Variants in CGGBP1 observed in about 807,000 individuals in gnomAD.
CGGBP1 encodes the protein CGG triplet repeat binding protein 1.
Under a neutral mutation model 11.4 loss-of-function variants are expected in CGGBP1, and 4 were observed. That is an observed-to-expected ratio of 0.35 (90% CI 0.17 to 0.80). CGGBP1 has a LOEUF of 0.80. Among genes scored for constraint, CGGBP1 ranks in the 30% least tolerant of loss-of-function variants. The probability of loss-of-function intolerance (pLI) is 0.52; values close to 1 mark genes in which losing one functional copy is unlikely to be tolerated. For missense variants in CGGBP1, 135 were observed against 202.1 expected (o/e 0.67, Z 2.01); for synonymous variants, 76 against 74.1 (o/e 1.03, Z -0.13).
intron 2 of CGGBP1, chr3:88,139,352 G>C: frequency 6.2e-7 from 1 of 1,611,892 alleles, no homozygotes; most frequent in Non-Finnish European, 8.5e-7. Flanking sequence ...ACATTGTAAG[G>C]CATGCCCAGG....
At chr3:88,143,916 T>G (rs1331157913) in intron 1 of CGGBP1, 1 of 152,062 alleles carries the variant, frequency 6.6e-6, no homozygotes, top group Non-Finnish European at 1.5e-5. Context: ...ATCATTTTGC[T>G]TTTATAGGGT....
intron 2 of CGGBP1, among the ~76,000 whole-genome samples, chr3:88,110,916 T>TC (rs1297117643): frequency 6.6e-6 from 1 of 152,104 alleles, no homozygotes. Context: ...ATGTGGTTTT[T>TC]CTCTTTTTAA....
intron 3 of CGGBP1, 71 bp from the exon 4 acceptor site, chr3:88,056,070 G>C (rs1304871087): frequency 4.2e-6 from 5 of 1,193,714 alleles, no homozygotes. Context: ...AACAATAAAA[G>C]GCAGTATATA....
In CGGBP1 at chr3:88,055,344, T is replaced by A; in HGVS notation, c.*129A>T. 1 of 904,826 alleles carries A rather than the reference T, an allele frequency of 1.1e-6. No individual in the cohort carries two copies. The highest frequency in any genetic ancestry group is 1.6e-6 in the Non-Finnish European group (1 of 623,520). The allele number at this position is 904,826 out of a possible 1,614,324, so 56.0% of individuals were successfully genotyped here. A position where few individuals can be genotyped will look rare whatever the true frequency, so the allele number is the denominator to read the frequency against. On this transcript the variant is annotated 3_prime_UTR_variant, in exon 4 of 4. Transcript: ENST00000482016. The surrounding 1 kb of genome is among the most constrained non-coding windows in gnomAD (Gnocchi z 4.2). ...GTGGTTTTTTTTTTGCCTGCAACTATATACACATTGCAAAACTATTCTGCG... is the reference window on the plus strand; with the variant it reads ...GTGGTTTTTTTTTTGCCTGCAACTAAATACACATTGCAAAACTATTCTGCG...
chr3:88,139,250 G>C, intron 2 of CGGBP1: 1 of 1,526,360 alleles, frequency 6.6e-7, no homozygotes, highest in South Asian at 1.4e-5. Context: ...TTAATACGAA[G>C]AAAAATCTTA....
rs1706455991 is a variant in CGGBP1 at position 88,052,722 on chromosome 3, A to G, written c.*2751T>C. On this transcript the variant is annotated 3_prime_UTR_variant, in exon 4 of 4. Transcript: ENST00000482016. ...CATTAACTGGAAATAGCATTTTTTT[A>G]AAGTCTTAATCAAAGATGATAATGG... The G allele has an allele frequency of 6.6e-6, 1 of 152,378 alleles. No individual in the cohort carries two copies. Among genetic ancestry groups the G allele is most frequent in the South Asian group, 2.1e-4 (1 of 4,832 alleles). The allele number at this position is 152,378 out of a possible 1,614,324, so 9.4% of individuals were successfully genotyped here. A position where few individuals can be genotyped will look rare whatever the true frequency, so the allele number is the denominator to read the frequency against.
intron 2 of CGGBP1, chr3:88,135,020 A>C: frequency 4.6e-6 from 6 of 1,302,248 alleles, no homozygotes; most frequent in Non-Finnish European, 6.0e-6. Context: ...GTATTTGAAT[A>C]AACTGTATTT....
chr3:88,067,025 ACT>A (rs566933527), intron 2 of CGGBP1, among the ~76,000 whole-genome samples: 83 of 152,290 alleles, frequency 5.5e-4, no homozygotes, highest in Non-Finnish European at 9.1e-4. Context: ...GTACATTAAC[ACT>A]CTCTACTGTC....
intron 2 of CGGBP1, among the ~76,000 whole-genome samples, chr3:88,080,517 A>G (rs1314611207): frequency 6.6e-6 from 1 of 152,064 alleles, no homozygotes; most frequent in Admixed American, 6.6e-5. Context: ...TTTATAGGTA[A>G]TTTAGAATAG....
chr3:88,090,423 T>A (rs1296466008), intron 2 of CGGBP1, among the ~76,000 whole-genome samples: 1 of 151,924 alleles, frequency 6.6e-6, no homozygotes, highest in African/African-American at 2.4e-5. Context: ...ATGGAAAAAA[T>A]TTAAAGAATA....
intron 2 of CGGBP1, among the ~76,000 whole-genome samples, chr3:88,080,739 A>G (rs1174553223): frequency 6.6e-6 from 1 of 152,224 alleles, no homozygotes; most frequent in East Asian, 1.9e-4. Context: ...TAAATGTAGA[A>G]ATCTGCTTAT....
chr3:88,135,134 T>C, intron 2 of CGGBP1: 2 of 1,490,690 alleles, frequency 1.3e-6, no homozygotes, highest in Non-Finnish European at 1.8e-6. Context: ...AGATCAATGC[T>C]ACCAGCTTTT....
At chr3:88,132,802 A>C (rs1282653290) in intron 2 of CGGBP1, among the ~76,000 whole-genome samples, 2 of 152,218 alleles carry the variant, frequency 1.3e-5, no homozygotes, top group East Asian at 3.8e-4. Context: ...TTTATGTGTA[A>C]GAAAACTGTA....
rs1706617813 is a variant in CGGBP1, at chr3:88,058,238, A to G, written c.-330-15T>C. 1 of 152,282 alleles carries G rather than the reference A, an allele frequency of 6.6e-6. No homozygotes were observed. Among genetic ancestry groups the G allele is most frequent in the South Asian group, 2.1e-4 (1 of 4,834 alleles). 9.4% of individuals were successfully genotyped at this position (152,282 alleles called of 1,614,324 possible). On this transcript the variant is annotated splice_polypyrimidine_tract_variant and intron_variant, in intron 1 of 3. Coordinates refer to ENST00000482016, the MANE Select transcript of CGGBP1 (RefSeq NM_001008390.2). ...TCATGCCTTTACTGTAAAACACGAAAAACAAATGGAAGGAAAAAATGGGGG... is the reference window on the plus strand; with the variant it reads ...TCATGCCTTTACTGTAAAACACGAAGAACAAATGGAAGGAAAAAATGGGGG...
chr3:88,129,076 AAAGT>A, intron 2 of CGGBP1: 1 of 1,211,626 alleles, frequency 8.3e-7, no homozygotes, highest in South Asian at 1.6e-5. Context: ...CCAAAAAAAA[AAAGT>A]AGCCCACTGT....
At chr3:88,093,609 A>G (rs1450638350) in intron 2 of CGGBP1, among the ~76,000 whole-genome samples, 2 of 152,170 alleles carry the variant, frequency 1.3e-5, no homozygotes, top group Non-Finnish European at 2.9e-5. Flanking sequence ...TCAGTCTCTT[A>G]TTTTGAGTGG....
chr3:88,065,482 G>A (rs558311283), intron 2 of CGGBP1, among the ~76,000 whole-genome samples: 70 of 152,124 alleles, frequency 4.6e-4, no homozygotes, highest in Non-Finnish European at 9.3e-4. Flanking sequence ...TTATTCATAC[G>A]AGAAACTGTT....
chr3:88,101,715 A>T (rs2107719485), intron 2 of CGGBP1, among the ~76,000 whole-genome samples: 1 of 152,178 alleles, frequency 6.6e-6, no homozygotes, highest in South Asian at 2.1e-4. Context: ...TAGATGTATG[A>T]TTAGTTTATG....
At chr3:88,056,478 C>T (rs904833453) in intron 3 of CGGBP1, 2 of 151,968 alleles carry the variant, frequency 1.3e-5, no homozygotes, top group African/African-American at 4.8e-5. Context: ...CTATAAACTG[C>T]CATAATTCTA....
Sources: allele counts gnomAD v4.1 joint callset (sites outside exome capture counted in the v4.1 genomes callset), GRCh38; gene constraint gnomAD v4.1.1; non-coding constraint Gnocchi (gnomAD v3.1); transcripts MANE v1.5; gene names NCBI Gene and HGNC (gene_info 2026-07-23, HGNC 2026-07-21).